The following TNNI3K variants were observed in gnomAD, a reference collection of about 807,000 sequenced individuals.
TNNI3K encodes the protein serine/threonine-protein kinase TNNI3K.
Under a neutral mutation model 114.5 loss-of-function variants are expected in TNNI3K, and 140 were observed. That is an observed-to-expected ratio of 1.22 (90% CI 1.07 to 1.41). The LOEUF (loss-of-function observed/expected upper bound fraction) is 1.41, where lower values mean the gene tolerates loss of function less well. Ranked by LOEUF, TNNI3K falls within the 40% of genes most tolerant of loss-of-function variation. TNNI3K has a pLI of 0.00. For missense variants in TNNI3K, 1,125 were observed against 1,007.6 expected (o/e 1.12, Z -1.58); for synonymous variants, 347 against 347.5 (o/e 1.00, Z 0.02).
intron 5 of TNNI3K, among the ~76,000 whole-genome samples, chr1:74,309,746 T>TA (rs1658874301): frequency 6.6e-6 from 1 of 152,088 alleles, no homozygotes. Flanking sequence ...AGGCACTTGA[T>TA]AAAATCAAAC....
intron 5 of TNNI3K, among the ~76,000 whole-genome samples, chr1:74,293,979 A>T (rs992291227): frequency 1.3e-5 from 2 of 151,810 alleles, no homozygotes; most frequent in African/African-American, 2.4e-5. Flanking sequence ...TTTCATTAAT[A>T]TGCTAATTTA....
At chr1:74,396,748 CAG>C (rs1299715792) in intron 17 of TNNI3K, among the ~76,000 whole-genome samples, 2 of 152,150 alleles carry the variant, frequency 1.3e-5, no homozygotes, top group African/African-American at 4.8e-5. Context: ...TCCTAGGGCA[CAG>C]AATGTCCCAA....
chr1:74,513,350 A>T (rs1377300824), intron 23 of TNNI3K, among the ~76,000 whole-genome samples: 2 of 152,158 alleles, frequency 1.3e-5, no homozygotes, highest in Non-Finnish European at 2.9e-5. Flanking sequence ...TGAGTCCATG[A>T]AATGTTGGGG....
At chr1:74,258,283 C>T (rs773748198) in intron 4 of TNNI3K, among the ~76,000 whole-genome samples, 2 of 152,168 alleles carry the variant, frequency 1.3e-5, no homozygotes, top group African/African-American at 2.4e-5. Flanking sequence ...TGTGCAGCTT[C>T]TTCTTCTCGG....
chr1:74,392,028 G>C (rs1303477407), intron 17 of TNNI3K, among the ~76,000 whole-genome samples: 24 of 144,086 alleles, frequency 1.7e-4, no homozygotes, highest in East Asian at 4.1e-4. Flanking sequence ...TGCAGTGGCA[G>C]GATCTTGGCT....
intron 5 of TNNI3K, among the ~76,000 whole-genome samples, chr1:74,330,520 T>G (rs576221193): frequency 6.6e-6 from 1 of 152,156 alleles, no homozygotes; most frequent in Non-Finnish European, 1.5e-5. Context: ...ACAAAGTTAT[T>G]GTAAATTTTT....
intron 23 of TNNI3K, among the ~76,000 whole-genome samples, chr1:74,527,867 G>A (rs1297177214): frequency 1.3e-5 from 2 of 152,216 alleles, no homozygotes; most frequent in South Asian, 2.1e-4. Flanking sequence ...CAAGTAAGGT[G>A]TGGAGAATGT....
At chr1:74,322,767 A>G (rs1659691722) in intron 5 of TNNI3K, among the ~76,000 whole-genome samples, 1 of 151,928 alleles carries the variant, frequency 6.6e-6, no homozygotes, top group South Asian at 2.1e-4. Context: ...CTACCATCTT[A>G]ATATATCTGA....
intron 23 of TNNI3K, among the ~76,000 whole-genome samples, chr1:74,533,423 A>G (rs1266239654): frequency 6.6e-6 from 1 of 152,190 alleles, no homozygotes; most frequent in Non-Finnish European, 1.5e-5. Context: ...CAGGTGCTGG[A>G]GAGGATGTGG....
chr1:74,381,744 T>C (rs1295630044), intron 17 of TNNI3K, among the ~76,000 whole-genome samples: 1 of 152,188 alleles, frequency 6.6e-6, no homozygotes, highest in East Asian at 1.9e-4. Context: ...TAGAATTTGA[T>C]TAAAAATGTA....
chr1:74,351,861 C>T (rs866990869), intron 9 of TNNI3K, among the ~76,000 whole-genome samples: 2 of 152,116 alleles, frequency 1.3e-5, no homozygotes, highest in African/African-American at 2.4e-5. Context: ...TCTAGTTATC[C>T]ATTTGTCTAA....
rs142079513 is a variant in TNNI3K, at chr1:74,369,225, A to G, written c.1433A>G (p.Tyr478Cys). 85 of 1,611,796 alleles carry G rather than the reference A, an allele frequency of 5.3e-5. No homozygotes were observed. The highest frequency in any genetic ancestry group is 6.9e-5 in the Non-Finnish European group (81 of 1,178,966). ...ATTGTAGGTTCTTTTGGGAAAGTAT[A>G]TAAAGGACGATGCAGAAATAAAATA... ...IIGSGSFGKV[Y>C]KGRCRNKIVA... Residue 478 changes from tyrosine to cysteine, a missense_variant, in exon 15 of 25, where the codon TAT becomes TGT. By Grantham distance (194) the Tyr-to-Cys change is radical. Coordinates refer to ENST00000326637, the MANE Select transcript of TNNI3K (RefSeq NM_015978.3).
chr1:74,380,112 A>G (rs777378443), intron 17 of TNNI3K, among the ~76,000 whole-genome samples: 9 of 152,092 alleles, frequency 5.9e-5, no homozygotes, highest in Non-Finnish European at 1.2e-4. Flanking sequence ...CTCTTACAGT[A>G]GCTCCCATCA....
At chr1:74,332,467 A>T (rs567907447) in intron 6 of TNNI3K, among the ~76,000 whole-genome samples, 1 of 151,806 alleles carries the variant, frequency 6.6e-6, no homozygotes, top group African/African-American at 2.4e-5. Context: ...CGCCTGACTA[A>T]TTTTTTGTAT....
At chr1:74,486,063 T>G (rs1668742799) in intron 21 of TNNI3K, among the ~76,000 whole-genome samples, 1 of 152,202 alleles carries the variant, frequency 6.6e-6, no homozygotes, top group South Asian at 2.1e-4. Context: ...AGGTTTATGG[T>G]AATTTGTTAT....
intron 20 of TNNI3K, among the ~76,000 whole-genome samples, chr1:74,447,462 C>T (rs1666756193): frequency 7.0e-6 from 1 of 143,570 alleles, no homozygotes; most frequent in Non-Finnish European, 1.5e-5. Context: ...CATGAACAGA[C>T]ACTTCTCAAA....
chr1:74,435,421 TTG>T (rs2100661130), intron 17 of TNNI3K, among the ~76,000 whole-genome samples: 1 of 152,154 alleles, frequency 6.6e-6, no homozygotes, highest in Admixed American at 6.5e-5. Flanking sequence ...GGCTACCTTT[TTG>T]TGTGTGTTGT....
chr1:74,286,822 A>C (rs1365567376), intron 5 of TNNI3K, among the ~76,000 whole-genome samples: 2 of 152,172 alleles, frequency 1.3e-5, no homozygotes, highest in East Asian at 3.9e-4. Context: ...ATACAAGGCC[A>C]CAAGGATCAC....
At chr1:74,524,165 T>C in intron 23 of TNNI3K, among the ~76,000 whole-genome samples, 1 of 152,262 alleles carries the variant, frequency 6.6e-6, no homozygotes, top group East Asian at 1.9e-4. Context: ...AATTCTTCTT[T>C]GTGAAAAGTC....
Sources: gnomAD v4.1 joint callset for allele counts (sites outside exome capture counted in the v4.1 genomes callset) on GRCh38, gnomAD v4.1.1 for gene constraint, MANE v1.5 for transcripts, NCBI Gene and HGNC (gene_info 2026-07-23, HGNC 2026-07-21) for gene names.